The following ARMH2 variants were observed in gnomAD, a reference collection of about 807,000 sequenced individuals.
ARMH2 encodes armadillo-like helical domain-containing protein 2.
A neutral mutation model predicts 9.0 loss-of-function variants in ARMH2; 5 were observed. The observed-to-expected ratio is 0.56, with a 90% CI of 0.29 to 1.17. The LOEUF (loss-of-function observed/expected upper bound fraction) is 1.17, where lower values mean the gene tolerates loss of function less well. ARMH2 is among the 50% of genes most tolerant of loss of function. The pLI, the probability that ARMH2 is intolerant of heterozygous loss-of-function variation, is 0.08. For missense variants in ARMH2, 236 were observed against 268.3 expected (o/e 0.88, Z 0.84); for synonymous variants, 74 against 93.1 (o/e 0.79, Z 1.18).
chr6:24,797,972 T>C (rs1415193340), intron 1 of ARMH2, 135 bp from the exon 2 acceptor site: 9 of 941,562 alleles, frequency 9.6e-6, no homozygotes, highest in Non-Finnish European at 1.4e-5. Context: ...TCCTGTCGTT[T>C]TCCCCCACCT....
At position 24,798,907 on chromosome 6, in the gene ARMH2, A is replaced by C; in HGVS notation, c.-50T>G. 6.6e-7 allele frequency: 1 copy of C among 1,504,056 alleles called. No individual in the cohort carries two copies. The highest frequency in any genetic ancestry group is 8.8e-7 in the Non-Finnish European group (1 of 1,130,768). The allele number at this position is 1,504,056 out of a possible 1,614,324, so 93.2% of individuals were successfully genotyped here. A position where few individuals can be genotyped will look rare whatever the true frequency, so the allele number is the denominator to read the frequency against. On this transcript the variant is annotated 5_prime_UTR_variant, in exon 1 of 2. Transcript: ENST00000565469. ...CAGGTACACCACTGGCAGTCACAGG[A>C]GTTCACAGTCAAGAACTCTGGAATG...
chr6:24,798,457 C>A, intron 1 of ARMH2, 136 bp downstream of exon 1: 1 of 1,090,784 alleles, frequency 9.2e-7, no homozygotes, highest in Non-Finnish European at 1.3e-6. Context: ...TGGTTGTGTT[C>A]GCTTAGCAAA....
intron 1 of ARMH2, 72 bp from the exon 2 acceptor site, chr6:24,797,909 A>G (rs1385065770): frequency 2.8e-6 from 4 of 1,409,854 alleles, no homozygotes; most frequent in Non-Finnish European, 3.8e-6. Context: ...TGGAATGCTT[A>G]TATGTTCATA....
At position 24,797,565 on chromosome 6, in the gene ARMH2, C is replaced by T. The variant is rs1439437883; in HGVS notation, c.538G>A (p.Val180Ile). The T allele has an allele frequency of 1.3e-6, 2 of 1,535,332 alleles. No homozygotes were observed. Among genetic ancestry groups the T allele is most frequent in the African/African-American group, 1.4e-5 (1 of 73,000 alleles). The change falls in exon 2 of 2, where the codon GTC becomes ATC. Residue 180 changes from valine (V) to isoleucine (I), a missense_variant. Coordinates refer to ENST00000565469, the MANE Select transcript of ARMH2 (RefSeq NM_001282492.2). ...CAAGACAAGTTATTGCATGTCATGA[C>T]AGAGAGAACGTAACAAGTCCAAAAT... ...LKFWTCYVLS[V>I]MTCNNLSCVK...
chr6:24,797,337 G>A lies in ARMH2; in HGVS notation c.*73C>T, dbSNP rs910609513. On this transcript the variant is annotated 3_prime_UTR_variant, in exon 2 of 2. Transcript: ENST00000565469. ...CTCTTCAACTACAAAGGAAAACATC[G>A]ATTTTTATTGTTTATTTCAGTTTTC... 1.2e-5 allele frequency: 16 copies of A among 1,303,872 alleles called. No homozygotes were observed. The highest frequency in any genetic ancestry group is 3.0e-5 in the African/African-American group (2 of 66,588). The allele number at this position is 1,303,872 out of a possible 1,614,324, so 80.8% of individuals were successfully genotyped here.
Position 24,798,670 on chromosome 6 carries a change from T to C in ARMH2, c.188A>G (p.Gln63Arg). ...FHEEKIVVLG[Q>R]VLMNESLPIE... is the part of the protein sequence containing the mutation. ...GGGTAGAGATTCATTCATCAACACT[T>C]GGCCAAGTACAACAATTTTTTCCTC... The change falls in exon 1 of 2, where the codon CAA becomes CGA. Residue 63 changes from glutamine to arginine, a missense_variant. Coordinates refer to ENST00000565469, the MANE Select transcript of ARMH2 (RefSeq NM_001282492.2). The C allele has an allele frequency of 1.3e-6, 2 of 1,535,410 alleles. No homozygotes were observed. Among genetic ancestry groups the C allele is most frequent in the South Asian group, 1.2e-5 (1 of 84,060 alleles).
chr6:24,798,860 T>C lies in ARMH2; in HGVS notation c.-3A>G. ...CAAGAAAATCGGCTGTTAGCCATTG[T>C]GTAAAAAGGCCAGTGGTCCTTCAGG... On this transcript the variant is annotated 5_prime_UTR_variant, in exon 1 of 2. Coordinates refer to ENST00000565469, the MANE Select transcript of ARMH2 (RefSeq NM_001282492.2). 1 of 1,532,876 alleles carries C rather than the reference T, an allele frequency of 6.5e-7. No homozygotes were observed. Among genetic ancestry groups the C allele is most frequent in the Non-Finnish European group, 8.7e-7 (1 of 1,145,288 alleles). 95.0% of individuals were successfully genotyped at this position (1,532,876 alleles called of 1,614,324 possible).
intron 1 of ARMH2, 150 bp from the exon 2 acceptor site, chr6:24,797,987 C>T (rs1332535417): frequency 1.3e-5 from 11 of 829,440 alleles, no homozygotes; most frequent in South Asian, 7.5e-5. Flanking sequence ...CCACCTCCCA[C>T]GCTGCTGCCA....
At chr6:24,797,925 G>A in intron 1 of ARMH2, 88 bp from the exon 2 acceptor site, 1 of 1,353,142 alleles carries the variant, frequency 7.4e-7, no homozygotes, top group South Asian at 1.5e-5. Context: ...TCATATTCTT[G>A]TTGCCCTGTA....
rs192136109 is a variant in ARMH2, at chr6:24,798,687, T to A, written c.171A>T (p.Lys57Asn). Reference sequence around the variant, plus strand: ...TCAACACTTGGCCAAGTACAACAATTTTTTCCTCATGAAAATAAGTCTCAG... The same window carrying A: ...TCAACACTTGGCCAAGTACAACAATATTTTCCTCATGAAAATAAGTCTCAG... ...PSAETYFHEE[K>N]IVVLGQVLMN... Residue 57 changes from lysine to asparagine, a missense_variant, in exon 1 of 2, where the codon AAA (lysine) becomes AAT (asparagine). Coordinates refer to ENST00000565469, the MANE Select transcript of ARMH2 (RefSeq NM_001282492.2). 18 of 1,535,352 alleles carry A rather than the reference T, an allele frequency of 1.2e-5. No individual in the cohort carries two copies. Among genetic ancestry groups the A allele is most frequent in the Non-Finnish European group, 4.4e-6 (5 of 1,146,722 alleles).
In ARMH2 at chr6:24,798,306, C is replaced by T. The variant is rs574227485; in HGVS notation, c.265+287G>A. Among the ~76,000 whole-genome samples the T allele has an allele frequency of 1.4e-4, 21 of 152,038 alleles. No individual in the cohort carries two copies. In the South Asian group the frequency reaches 2.9e-3, roughly 21 times the overall value. On this transcript the variant is annotated intron_variant, in intron 1 of 1. Transcript: ENST00000565469. ...TAATTTTTTGTATTTTTAGTAGAGA[C>T]GGGGTTTCACCATGTTGATCAGCTG... is the stretch of plus-strand genomic sequence containing the variant.
Position 24,798,683 on chromosome 6 carries a change from C to T in ARMH2, c.175G>A (p.Val59Ile). 1 of 1,535,392 alleles carries T rather than the reference C, an allele frequency of 6.5e-7. No individual in the cohort carries two copies. The highest frequency in any genetic ancestry group is 8.7e-7 in the Non-Finnish European group (1 of 1,146,714). Residue 59 changes from valine (V) to isoleucine (I), a missense_variant, in exon 1 of 2, where the codon GTT (valine) becomes ATT (isoleucine). Transcript: ENST00000565469. ...TTCATCAACACTTGGCCAAGTACAA[C>T]AATTTTTTCCTCATGAAAATAAGTC... The part of the protein sequence containing the change: ...AETYFHEEKI[V>I]VLGQVLMNES...
At position 24,797,808 on chromosome 6, in the gene ARMH2, CA is replaced by C. The variant is rs991167296; in HGVS notation, c.294del (p.Glu99SerfsTer19). ...TGGPPAGNFA[A>X]EYMEEVAHLL... The stretch of plus-strand genomic sequence containing the variant: ...AAGTGAGCCACTTCTTCCATGTACT[CA>C]GCTGCAAAGTTCCCAGCAGGTGGTC... On this transcript the variant is annotated frameshift_variant, in exon 2 of 2. Transcript: ENST00000565469. LOFTEE classifies it low-confidence loss of function (END_TRUNC). 1.3e-6 allele frequency: 2 copies of C among 1,534,760 alleles called. No homozygotes were observed. Among genetic ancestry groups the C allele is most frequent in the African/African-American group, 2.7e-5 (2 of 73,118 alleles).
chr6:24,797,472 A>T lies in ARMH2; in HGVS notation c.631T>A (p.Ser211Thr). The change falls in exon 2 of 2, where the codon TCT becomes ACT. Residue 211 changes from serine (S) to threonine (T), a missense_variant. Coordinates refer to ENST00000565469, the MANE Select transcript of ARMH2 (RefSeq NM_001282492.2). Reference protein sequence around the residue: ...HLQMLAAENWSGWTENFAEVL... With the variant: ...HLQMLAAENWTGWTENFAEVL... ...TCTGCAAAATTCTCTGTCCATCCAG[A>T]CCAATTCTCAGCAGCCAACATTTGC... The T allele has an allele frequency of 6.5e-7, 1 of 1,535,496 alleles. No individual in the cohort carries two copies. Among genetic ancestry groups the T allele is most frequent in the East Asian group, 2.4e-5 (1 of 40,924 alleles).
chr6:24,798,698 G>C lies in ARMH2; in HGVS notation c.160C>G (p.His54Asp), dbSNP rs1231332167. The change falls in exon 1 of 2, where the codon CAT becomes GAT. Residue 54 changes from histidine to aspartate, a missense_variant. Physicochemically the swap from His to Asp is moderately conservative, Grantham distance 81. Coordinates refer to ENST00000565469, the MANE Select transcript of ARMH2 (RefSeq NM_001282492.2). ...KKIPSAETYF[H>D]EEKIVVLGQV... ...CCAAGTACAACAATTTTTTCCTCAT[G>C]AAAATAAGTCTCAGCTGAAGGGATT... is the stretch of plus-strand genomic sequence containing the variant. The C allele has an allele frequency of 6.5e-7, 1 of 1,535,262 alleles. No homozygotes were observed. The highest frequency in any genetic ancestry group is 8.7e-7 in the Non-Finnish European group (1 of 1,146,700).
At position 24,798,753 on chromosome 6, in the gene ARMH2, C is replaced by A. The variant is rs942481792; in HGVS notation, c.105G>T (p.Lys35Asn). The change falls in exon 1 of 2, where the codon AAG becomes AAT. Residue 35 changes from lysine (K) to asparagine (N), a missense_variant. Lys to Asn is a moderately conservative substitution (Grantham distance 94). Coordinates refer to ENST00000565469, the MANE Select transcript of ARMH2 (RefSeq NM_001282492.2). Reference protein sequence around the residue: ...RLQKFWRVTVKGFFVKKKEKK... With the variant: ...RLQKFWRVTVNGFFVKKKEKK... The stretch of plus-strand genomic sequence containing the variant: ...TTTCCTTCTTCTTAACAAAAAAGCC[C>A]TTAACAGTGACACGCCAGAATTTCT... 15 of 1,535,244 alleles carry A rather than the reference C, an allele frequency of 9.8e-6. No individual in the cohort carries two copies. Among genetic ancestry groups the A allele is most frequent in the Non-Finnish European group, 1.2e-5 (14 of 1,146,704 alleles).
At chr6:24,798,274 G>A (rs1331361969) in intron 1 of ARMH2, among the ~76,000 whole-genome samples, 2 of 152,108 alleles carry the variant, frequency 1.3e-5, no homozygotes, top group East Asian at 3.9e-4. Flanking sequence ...GCACCACCAT[G>A]CCCAGCTAAT....
rs1390471012 is a variant in ARMH2 at position 24,797,462 on chromosome 6, G to T, written c.641C>A (p.Thr214Lys). Residue 214 changes from threonine (T) to lysine (K), a missense_variant, in exon 2 of 2, where the codon ACA (threonine) becomes AAA (lysine). Physicochemically the swap from Thr to Lys is moderately conservative, Grantham distance 78. Coordinates refer to ENST00000565469, the MANE Select transcript of ARMH2 (RefSeq NM_001282492.2). ...ATACAGCACCTCTGCAAAATTCTCT[G>T]TCCATCCAGACCAATTCTCAGCAGC... is the stretch of plus-strand genomic sequence containing the variant. ...MLAAENWSGW[T>K]ENFAEVLYFL... The T allele has an allele frequency of 1.3e-6, 2 of 1,535,304 alleles. No individual in the cohort carries two copies. The highest frequency in any genetic ancestry group is 1.7e-6 in the Non-Finnish European group (2 of 1,146,712).
In ARMH2 at chr6:24,798,910, TCA is replaced by T; in HGVS notation, c.-55_-54del. The stretch of plus-strand genomic sequence containing the variant: ...GTACACCACTGGCAGTCACAGGAGT[TCA>T]CAGTCAAGAACTCTGGAATGCATCA... On this transcript the variant is annotated 5_prime_UTR_variant, in exon 1 of 2. Coordinates refer to ENST00000565469, the MANE Select transcript of ARMH2 (RefSeq NM_001282492.2). The T allele has an allele frequency of 2.7e-6, 4 of 1,500,896 alleles. No homozygotes were observed. The highest frequency in any genetic ancestry group is 3.5e-6 in the Non-Finnish European group (4 of 1,128,796). The allele number at this position is 1,500,896 out of a possible 1,614,324, so 93.0% of individuals were successfully genotyped here.
Sources: gnomAD v4.1 joint callset for allele counts (sites outside exome capture counted in the v4.1 genomes callset) on GRCh38, gnomAD v4.1.1 for gene constraint, MANE v1.5 for transcripts, NCBI Gene and HGNC (gene_info 2026-07-23, HGNC 2026-07-21) for gene names.